The following PCDHA10 variants were observed in gnomAD, a reference collection of about 807,000 sequenced individuals.
PCDHA10 encodes the protein protocadherin alpha-10.
In PCDHA10, 45 loss-of-function variants were observed where a neutral mutation model predicts 61.2. That is an observed-to-expected ratio of 0.74 (90% CI 0.58 to 0.94). The LOEUF (loss-of-function observed/expected upper bound fraction) is 0.94. PCDHA10 is among the 40% of genes least tolerant of loss of function. The probability of loss-of-function intolerance (pLI) is 0.00; values close to 1 mark genes in which losing one functional copy is unlikely to be tolerated. For synonymous variants in PCDHA10, 602 were observed against 548.8 expected (o/e 1.10, Z -1.35); for missense variants, 1,278 against 1,236.2 (o/e 1.03, Z -0.51).
At chr5:141,001,959 C>T (rs755695273) in intron 3 of PCDHA10, among the ~76,000 whole-genome samples, 8 of 152,098 alleles carry the variant, frequency 5.3e-5, no homozygotes, top group Admixed American at 3.9e-4. Context: ...GAGGGAGAGG[C>T]GGGGTGTCTC....
At chr5:140,957,109 T>C (rs2095334016) in intron 1 of PCDHA10, among the ~76,000 whole-genome samples, 1 of 152,174 alleles carries the variant, frequency 6.6e-6, no homozygotes, top group Non-Finnish European at 1.5e-5. Context: ...ATGGACATGA[T>C]TCTGTGTGTT....
At chr5:140,869,908 C>G in intron 1 of PCDHA10, 4 of 1,610,646 alleles carry the variant, frequency 2.5e-6, no homozygotes, top group Non-Finnish European at 3.4e-6. Flanking sequence ...CGCCACAGAC[C>G]GAGACGAAGG....
intron 1 of PCDHA10, among the ~76,000 whole-genome samples, chr5:140,941,214 C>CCTTTCTTTCTTCCTTT (rs2092876516): frequency 8.2e-6 from 1 of 122,414 alleles, no homozygotes; most frequent in Non-Finnish European, 1.7e-5. Context: ...TTTCTTTCTT[C>CCTTTCTTTCTTCCTTT]CTTTCTTTCT....
intron 3 of PCDHA10, among the ~76,000 whole-genome samples, chr5:140,990,479 G>A (rs1227837227): frequency 3.3e-5 from 5 of 152,184 alleles, no homozygotes; most frequent in Non-Finnish European, 5.9e-5. Context: ...GTATCAAGCT[G>A]AATAGTGAGG....
chr5:141,008,953 A>G (rs1554261966), intron 3 of PCDHA10, among the ~76,000 whole-genome samples: 1 of 152,240 alleles, frequency 6.6e-6, no homozygotes, highest in African/African-American at 2.4e-5. Context: ...CAAAATAGAC[A>G]TCCTAATACA....
chr5:140,868,681 TATA>T (rs1235223560), intron 1 of PCDHA10: 45 of 172,206 alleles, frequency 2.6e-4, no homozygotes, highest in African/African-American at 1.0e-3. Context: ...AGAACAATGT[TATA>T]ATGTTAAGTC....
chr5:140,968,195 T>C, intron 1 of PCDHA10: 1 of 1,614,076 alleles, frequency 6.2e-7, no homozygotes, highest in East Asian at 2.2e-5. Context: ...CTATTCCATC[T>C]ACATACAGGA....
chr5:140,857,187 C>A lies in PCDHA10; in HGVS notation c.1139C>A (p.Ala380Asp), dbSNP rs202051639. ...AGCGTTTCTGACCATGATTCAGGAG[C>A]CAACGGACAGGTCACCTGCTCTCTG... ...LISVSDHDSG[A>D]NGQVTCSLTP... Residue 380 changes from alanine (A) to aspartate (D), a missense_variant, in exon 1 of 4, where the codon GCC (alanine) becomes GAC (aspartate). By Grantham distance (126) the Ala-to-Asp change is moderately radical. Coordinates refer to ENST00000307360, the MANE Select transcript of PCDHA10 (RefSeq NM_018901.4). 1 of 1,598,516 alleles carries A rather than the reference C, an allele frequency of 6.3e-7. No individual in the cohort carries two copies. The highest frequency in any genetic ancestry group is 2.2e-5 in the East Asian group (1 of 44,846).
intron 1 of PCDHA10, among the ~76,000 whole-genome samples, chr5:140,964,997 T>C (rs144251011): frequency 3.9e-5 from 6 of 152,316 alleles, no homozygotes; most frequent in African/African-American, 1.4e-4. Context: ...CTTTGAATTC[T>C]GGGTGTCAGG....
intron 1 of PCDHA10, chr5:140,870,541 G>A: frequency 1.2e-6 from 2 of 1,614,136 alleles, no homozygotes; most frequent in Non-Finnish European, 8.5e-7. Flanking sequence ...GTCGGCGCGG[G>A]ACGCGGACGC....
intron 1 of PCDHA10, among the ~76,000 whole-genome samples, chr5:140,954,835 A>G (rs1256515583): frequency 1.3e-5 from 2 of 152,146 alleles, no homozygotes; most frequent in Admixed American, 6.5e-5. Flanking sequence ...TTTTGTCATG[A>G]AATCTTTGCC....
intron 1 of PCDHA10, chr5:140,863,574 T>C (rs1162134770): frequency 2.7e-6 from 1 of 367,398 alleles, no homozygotes; most frequent in Non-Finnish European, 5.3e-6. Flanking sequence ...ATATAAGTAC[T>C]GTAATCCTGG....
intron 1 of PCDHA10, chr5:140,969,200 G>A: frequency 2.5e-6 from 4 of 1,614,132 alleles, no homozygotes; most frequent in Non-Finnish European, 3.4e-6. Context: ...TTACAATACA[G>A]GGGCCCAGAC....
In PCDHA10 at chr5:140,980,214, C is replaced by T. The variant is rs2096880494; in HGVS notation, c.2447+1207C>T. 2.0e-5 allele frequency among the ~76,000 whole-genome samples: 3 copies of T among 152,212 alleles called. No homozygotes were observed. The South Asian group carries it at 6.2e-4, about 31-fold the overall frequency. The stretch of plus-strand genomic sequence containing the variant: ...ATTAGAGACCAACTTGTGCTTTTGC[C>T]TGCATCTGAGCTGTTGGTGGAGACA... On this transcript the variant is annotated intron_variant, in intron 2 of 3. Transcript: ENST00000307360.
intron 1 of PCDHA10, chr5:140,868,837 C>A (rs543405019): frequency 2.7e-4 from 116 of 427,288 alleles, no homozygotes; most frequent in Non-Finnish European, 3.6e-4. Context: ...AAACCCAAAA[C>A]ACGTGAAATT....
chr5:140,984,492 T>C (rs2097106044), intron 3 of PCDHA10, among the ~76,000 whole-genome samples: 1 of 152,224 alleles, frequency 6.6e-6, no homozygotes, highest in Non-Finnish European at 1.5e-5. Context: ...TATCCAGAAC[T>C]GTGCCTGGCT....
intron 1 of PCDHA10, among the ~76,000 whole-genome samples, chr5:140,943,840 G>T (rs528235230): frequency 1.4e-4 from 21 of 152,316 alleles, no homozygotes; most frequent in Non-Finnish European, 2.8e-4. Context: ...GAAGTTGTAA[G>T]ATGTCACAGA....
chr5:141,010,199 T>G lies in PCDHA10; in HGVS notation c.*262T>G. On this transcript the variant is annotated 3_prime_UTR_variant, in exon 4 of 4. Coordinates refer to ENST00000307360, the MANE Select transcript of PCDHA10 (RefSeq NM_018901.4). Reference sequence around the variant, plus strand: ...AAGCAGACCCAAGTTTCCTTTCTCCTCCGCCGCAAAGGAGAGGCTTCCCAG... The same window carrying G: ...AAGCAGACCCAAGTTTCCTTTCTCCGCCGCCGCAAAGGAGAGGCTTCCCAG... The G allele has an allele frequency of 1.3e-6, 2 of 1,551,990 alleles. No homozygotes were observed. Among genetic ancestry groups the G allele is most frequent in the South Asian group, 1.2e-5 (1 of 84,106 alleles).
chr5:140,999,747 C>T (rs2097874058), intron 3 of PCDHA10, among the ~76,000 whole-genome samples: 1 of 152,008 alleles, frequency 6.6e-6, no homozygotes, highest in East Asian at 1.9e-4. Flanking sequence ...AATCTGGGTT[C>T]GCAGCACATG....
Sources: allele counts gnomAD v4.1 joint callset (sites outside exome capture counted in the v4.1 genomes callset), GRCh38; gene constraint gnomAD v4.1.1; transcripts MANE v1.5; gene names NCBI Gene and HGNC (gene_info 2026-07-23, HGNC 2026-07-21).